Variants in LIG4 observed in about 807,000 individuals in gnomAD.
LIG4 encodes the protein DNA joinase.
A neutral mutation model predicts 19.0 loss-of-function variants in LIG4; 13 were observed. That is an observed-to-expected ratio of 0.68 (90% confidence interval 0.44 to 1.09). The LOEUF (loss-of-function observed/expected upper bound fraction) is 1.09. Ranked by LOEUF, LIG4 falls within the 50% of genes least tolerant of loss-of-function variation. The pLI is 0.00. For synonymous variants in LIG4, 361 were observed against 358.2 expected (o/e 1.01, Z -0.09); for missense variants, 1,026 against 1,089.7 (o/e 0.94, Z 0.82).
In LIG4 at chr13:108,210,056, T is replaced by G; in HGVS notation, c.1213A>C (p.Lys405Gln). Residue 405 changes from lysine to glutamine, a missense_variant, in exon 3 of 3, where the codon AAA (lysine) becomes CAA (glutamine). By Grantham distance (53) the Lys-to-Gln change is moderately conservative. Transcript: ENST00000442234. ...PIPGRIEIVQ[K>Q]TQAHTKNEVI... Reference sequence around the variant, plus strand: ...TCATTCTTAGTATGAGCTTGTGTTTTCTGCACTATTTCTATTCTACCTGGA... The same window carrying G: ...TCATTCTTAGTATGAGCTTGTGTTTGCTGCACTATTTCTATTCTACCTGGA... 1 of 1,612,820 alleles carries G rather than the reference T, an allele frequency of 6.2e-7. No homozygotes were observed. Among genetic ancestry groups the G allele is most frequent in the South Asian group, 1.1e-5 (1 of 91,084 alleles).
In LIG4 at chr13:108,208,683, A is replaced by G; in HGVS notation, c.2586T>C (p.His862=). The part of the protein sequence containing the change: ...VVSCLAEGVS[H]VIIGEDHSRV... ...GACTATGATCTTCCCCAATTATTAC[A>G]TGAGACACTCCCTCAGCTAAACAAG... Residue 862 remains histidine (H), a synonymous_variant, in exon 3 of 3, where the codon CAT becomes CAC. Coordinates refer to ENST00000442234, the MANE Select transcript of LIG4 (RefSeq NM_206937.2). 2 of 1,614,186 alleles carry G rather than the reference A, an allele frequency of 1.2e-6. No individual in the cohort carries two copies. The highest frequency in any genetic ancestry group is 1.7e-6 in the Non-Finnish European group (2 of 1,180,030).
In LIG4 at chr13:108,208,937, A is replaced by C. The variant is rs561038910; in HGVS notation, c.2332T>G (p.Phe778Val). ...DTDLNQLKEV[F>V]SGIKNSNEQT... ...TCGTTAGAATTTTTAATTCCTGAGA[A>C]TACTTCCTTCAGTTGGTTCAAGTCT... The change falls in exon 3 of 3, where the codon TTC becomes GTC. Residue 778 changes from phenylalanine (F) to valine (V), a missense_variant. Physicochemically the swap from Phe to Val is conservative, Grantham distance 50 (BLOSUM62 -1). This residue lies in a region of LIG4 where 521 missense variants were observed against 515.5 expected (regional missense o/e 1.01). Coordinates refer to ENST00000442234, the MANE Select transcript of LIG4 (RefSeq NM_206937.2). The C allele has an allele frequency of 1.2e-6, 2 of 1,614,192 alleles. No homozygotes were observed. The highest frequency in any genetic ancestry group is 2.7e-5 in the African/African-American group (2 of 75,060).
Position 108,210,363 on chromosome 13 carries a change from A to C in LIG4, c.906T>G (p.Phe302Leu). Reference sequence around the variant, plus strand: ...GAGAACCTTCAGTAGGAGAAGCACCAAACTGATCAGTGTAGTTATATCCAT... The same window carrying C: ...GAGAACCTTCAGTAGGAGAAGCACCCAACTGATCAGTGTAGTTATATCCAT... ...SRNGYNYTDQ[F>L]GASPTEGSLT... Residue 302 changes from phenylalanine to leucine, a missense_variant, in exon 3 of 3, where the codon TTT becomes TTG. By Grantham distance (22) the Phe-to-Leu change is conservative. This residue lies in a region of LIG4 where 493 missense variants were observed against 544.5 expected (regional missense o/e 0.91). Coordinates refer to ENST00000442234, the MANE Select transcript of LIG4 (RefSeq NM_206937.2). The C allele has an allele frequency of 6.2e-7, 1 of 1,613,946 alleles. No homozygotes were observed. Among genetic ancestry groups the C allele is most frequent in the Non-Finnish European group, 8.5e-7 (1 of 1,179,938 alleles).
rs1429781768 is a variant in LIG4 at position 108,209,221 on chromosome 13, G to A, written c.2048C>T (p.Ala683Val). The change falls in exon 3 of 3, where the codon GCA becomes GTA. Residue 683 changes from alanine to valine, a missense_variant. Transcript: ENST00000442234. ...QPKPDLENRI[A>V]EFGGYIVQNP... The stretch of plus-strand genomic sequence containing the variant: ...TTGTACTATATAACCACCAAATTCT[G>A]CAATTCTGTTCTCCAGGTCAGGCTT... 2 of 1,613,978 alleles carry A rather than the reference G, an allele frequency of 1.2e-6. No individual in the cohort carries two copies. Among genetic ancestry groups the A allele is most frequent in the African/African-American group, 1.3e-5 (1 of 74,888 alleles).
chr13:108,213,956 G>A (rs1235478911), intron 2 of LIG4, among the ~76,000 whole-genome samples: 2 of 152,096 alleles, frequency 1.3e-5, no homozygotes, highest in Admixed American at 6.5e-5. Flanking sequence ...AAATATTAAC[G>A]AGATAAAAAG....
At chr13:108,218,066 A>G (rs1259796255), upstream of LIG4, 2 of 152,246 alleles carry the variant, frequency 1.3e-5, no homozygotes, top group Admixed American at 1.3e-4. Flanking sequence ...TCGTAGAGGT[A>G]AAAGGAGAAA....
upstream of LIG4, among the ~76,000 whole-genome samples, chr13:108,217,619 C>T (rs1412988785): frequency 6.6e-6 from 1 of 151,888 alleles, no homozygotes; most frequent in Non-Finnish European, 1.5e-5. Context: ...ATCGCTTGAA[C>T]CAGGGAGGCG....
chr13:108,214,699 C>T (rs1879041809), intron 1 of LIG4, 89 bp from the exon 2 acceptor site: 1 of 152,182 alleles, frequency 6.6e-6, no homozygotes, highest in African/African-American at 2.4e-5. Context: ...AGAAATCGTC[C>T]CACGACCTGG....
At chr13:108,215,331 CG>C (rs951778360) in intron 1 of LIG4, among the ~76,000 whole-genome samples, 152 bp downstream of exon 1, 1 of 122,064 alleles carries the variant, frequency 8.2e-6, no homozygotes, top group Admixed American at 8.1e-5. Context: ...GACCTTCCCC[CG>C]GTCTGTTGCC....
At chr13:108,213,509 G>C (rs930184547) in intron 2 of LIG4, among the ~76,000 whole-genome samples, 7 of 152,174 alleles carry the variant, frequency 4.6e-5, no homozygotes, top group African/African-American at 1.7e-4. Flanking sequence ...CCTATAACAA[G>C]GATTCCAAAA....
chr13:108,217,149 T>A (rs998697317), upstream of LIG4, among the ~76,000 whole-genome samples: 2 of 151,680 alleles, frequency 1.3e-5, no homozygotes, highest in Non-Finnish European at 2.9e-5. Context: ...GAGGCTGAGG[T>A]GAGCGGATCA....
At position 108,209,697 on chromosome 13, in the gene LIG4, C is replaced by G; in HGVS notation, c.1572G>C (p.Lys524Asn). Residue 524 changes from lysine (K) to asparagine (N), a missense_variant, in exon 3 of 3, where the codon AAG becomes AAC. Lys to Asn is a moderately conservative substitution (Grantham distance 94). Coordinates refer to ENST00000442234, the MANE Select transcript of LIG4 (RefSeq NM_206937.2). ...CTTTTCTATGAAAAGGCTTCCAATA[C>G]TTGGCCAATTTCAAACCCAGATCAT... ...ELYDLGLKLA[K>N]YWKPFHRKAP... 6.2e-7 allele frequency: 1 copy of G among 1,614,116 alleles called. No homozygotes were observed. Among genetic ancestry groups the G allele is most frequent in the Non-Finnish European group, 8.5e-7 (1 of 1,180,018 alleles).
Position 108,209,341 on chromosome 13 carries a change from T to G in LIG4, c.1928A>C (p.His643Pro). 1 of 1,614,118 alleles carries G rather than the reference T, an allele frequency of 6.2e-7. No individual in the cohort carries two copies. The change falls in exon 3 of 3, where the codon CAC becomes CCC. Residue 643 changes from histidine to proline, a missense_variant. This residue lies in a region of LIG4 where 521 missense variants were observed against 515.5 expected (regional missense o/e 1.01). Coordinates refer to ENST00000442234, the MANE Select transcript of LIG4 (RefSeq NM_206937.2). Reference sequence around the variant, plus strand: ...GTTAGTAAGGTTAGGTGCTTTTAAGTGCTCAATAATTCCAATAACTTTCTT... The same window carrying G: ...GTTAGTAAGGTTAGGTGCTTTTAAGGGCTCAATAATTCCAATAACTTTCTT... ...KMKKVIGIIE[H>P]LKAPNLTNVN...
chr13:108,210,464 A>G lies in LIG4; in HGVS notation c.805T>C (p.Tyr269His). The G allele has an allele frequency of 1.9e-6, 3 of 1,613,442 alleles. No homozygotes were observed. Among genetic ancestry groups the G allele is most frequent in the Non-Finnish European group, 2.5e-6 (3 of 1,179,958 alleles). ...TCACCATCTAGCTTGGTTTCTATGT[A>G]GAAACTCTGATGTTTCATATCCTTC... ...IEKDMKHQSF[Y>H]IETKLDGERM... is the part of the protein sequence containing the mutation. Residue 269 changes from tyrosine to histidine, a missense_variant, in exon 3 of 3, where the codon TAC (tyrosine) becomes CAC (histidine). By Grantham distance (83) the Tyr-to-His change is moderately conservative (BLOSUM62 2). Around this residue, in one of 3 missense-constraint regions of LIG4, gnomAD observed 493 missense variants for 544.5 expected, o/e 0.91. Coordinates refer to ENST00000442234, the MANE Select transcript of LIG4 (RefSeq NM_206937.2).
At position 108,209,589 on chromosome 13, in the gene LIG4, T is replaced by C. The variant is rs779917278; in HGVS notation, c.1680A>G (p.Lys560=). 3 of 1,614,174 alleles carry C rather than the reference T, an allele frequency of 1.9e-6. No individual in the cohort carries two copies. The highest frequency in any genetic ancestry group is 2.5e-6 in the Non-Finnish European group (3 of 1,180,024). The change falls in exon 3 of 3, where the codon AAA becomes AAG. Residue 560 remains lysine, a synonymous_variant. Transcript: ENST00000442234. ...EPCNSVIVQI[K]AAEIVPSDMY... ...TATCACTGGGTACGATCTCTGCTGC[T>C]TTAATCTGAACAATGACAGAATTAC...
At chr13:108,214,215 C>A (rs1221424821) in intron 2 of LIG4, among the ~76,000 whole-genome samples, 1 of 152,140 alleles carries the variant, frequency 6.6e-6, no homozygotes, top group African/African-American at 2.4e-5. Context: ...ATCCTTCATG[C>A]AACCCTTGAC....
At chr13:108,216,843 T>C (rs1879322242), upstream of LIG4, among the ~76,000 whole-genome samples, 1 of 152,224 alleles carries the variant, frequency 6.6e-6, no homozygotes, top group African/African-American at 2.4e-5. Context: ...AAACTCCAAA[T>C]TGATTCAAAG....
Position 108,209,310 on chromosome 13 carries a change from G to A in LIG4, c.1959C>T (p.Asn653=). The part of the protein sequence containing the change: ...HLKAPNLTNV[N]KISNIFEDVE... ...CATCTTCAAATATATTAGAAATTTT[G>A]TTAACGTTAGTAAGGTTAGGTGCTT... The change falls in exon 3 of 3, where the codon AAC becomes AAT. Residue 653 remains asparagine (N), a synonymous_variant. Transcript: ENST00000442234. 8 of 1,614,008 alleles carry A rather than the reference G, an allele frequency of 5.0e-6. No individual in the cohort carries two copies. The highest frequency in any genetic ancestry group is 5.9e-6 in the Non-Finnish European group (7 of 1,179,960).
chr13:108,208,818 G>T lies in LIG4; in HGVS notation c.2451C>A (p.Thr817=). Residue 817 remains threonine (T), a synonymous_variant, in exon 3 of 3, where the codon ACC becomes ACA. Coordinates refer to ENST00000442234, the MANE Select transcript of LIG4 (RefSeq NM_206937.2). ...CSPLSMFRRH[T]VYLDSYAVIN... ...TAACAGCATACGAGTCCAAATAAAC[G>T]GTGTGGCGTCGAAACATACTGAGAG... The T allele has an allele frequency of 1.2e-6, 2 of 1,614,074 alleles. No individual in the cohort carries two copies. Among genetic ancestry groups the T allele is most frequent in the Non-Finnish European group, 1.7e-6 (2 of 1,180,010 alleles).
Sources: gnomAD v4.1 joint callset for allele counts (sites outside exome capture counted in the v4.1 genomes callset) on GRCh38, gnomAD v4.1.1 for gene constraint, gnomAD v4.1.1 regional missense constraint, MANE v1.5 for transcripts, NCBI Gene and HGNC (gene_info 2026-07-23, HGNC 2026-07-21) for gene names.